CNTN4: variants seen among roughly 807,000 people sequenced by gnomAD.
The protein encoded by CNTN4 is contactin-4.
Under a neutral mutation model 122.5 loss-of-function variants are expected in CNTN4, and 77 were observed. That is an observed-to-expected ratio of 0.63 (90% confidence interval 0.52 to 0.76). The LOEUF is 0.76. CNTN4 is among the 30% of genes least tolerant of loss of function. CNTN4 has a pLI of 0.00. For synonymous variants in CNTN4, 512 were observed against 447.0 expected (o/e 1.15, Z -1.83); for missense variants, 1,256 against 1,259.1 (o/e 1.00, Z 0.04).
At chr3:2,560,670 A>G (rs1361733918) in intron 3 of CNTN4, among the ~76,000 whole-genome samples, 3 of 152,228 alleles carry the variant, frequency 2.0e-5, no homozygotes, top group South Asian at 2.1e-4. Context: ...ACTTAAGTCT[A>G]TCTACAAAGA....
intron 4 of CNTN4, among the ~76,000 whole-genome samples, chr3:2,627,717 T>A (rs536997099): frequency 2.6e-5 from 4 of 152,084 alleles, no homozygotes; most frequent in South Asian, 2.1e-4. Context: ...ATGGTCTCGA[T>A]CTCCTGACCT....
At chr3:3,040,425 C>T in intron 20 of CNTN4, 154 bp downstream of exon 20, 1 of 684,820 alleles carries the variant, frequency 1.5e-6, no homozygotes, top group Non-Finnish European at 2.6e-6. Context: ...GGTTCGCTGT[C>T]CACCATGAAT....
chr3:2,445,498 C>G (rs1039687032), intron 3 of CNTN4, among the ~76,000 whole-genome samples: 1 of 152,156 alleles, frequency 6.6e-6, no homozygotes, highest in Admixed American at 6.5e-5. Flanking sequence ...GATCTATAGA[C>G]TATCTTGCCG....
At chr3:2,295,959 A>C (rs79771890) in intron 2 of CNTN4, among the ~76,000 whole-genome samples, 3 of 151,948 alleles carry the variant, frequency 2.0e-5, no homozygotes, top group Non-Finnish European at 2.9e-5. Flanking sequence ...TCTTGTTTTT[A>C]TCAGGTTTGT....
At chr3:2,663,910 G>C (rs565195598) in intron 4 of CNTN4, among the ~76,000 whole-genome samples, 1 of 152,048 alleles carries the variant, frequency 6.6e-6, no homozygotes, top group Admixed American at 6.5e-5. Context: ...ACCACATATT[G>C]TCTGATTCTA....
At chr3:2,683,101 T>G (rs1388558965) in intron 4 of CNTN4, among the ~76,000 whole-genome samples, 7 of 152,140 alleles carry the variant, frequency 4.6e-5, no homozygotes, top group African/African-American at 9.7e-5. Flanking sequence ...CCATTATTTT[T>G]ATAGCATGCC....
chr3:2,259,758 G>A (rs994602422), intron 2 of CNTN4, among the ~76,000 whole-genome samples: 1 of 152,140 alleles, frequency 6.6e-6, no homozygotes, highest in Non-Finnish European at 1.5e-5. Flanking sequence ...GGAATTATGG[G>A]AGCTACAATT....
chr3:2,778,413 T>G (rs538052660), intron 6 of CNTN4, among the ~76,000 whole-genome samples: 6 of 146,722 alleles, frequency 4.1e-5, no homozygotes, highest in African/African-American at 1.5e-4. Flanking sequence ...GAGCCACTCA[T>G]GATTTTTTAA....
At chr3:2,473,241 A>AAC (rs1553659872) in intron 3 of CNTN4, among the ~76,000 whole-genome samples, 2 of 103,324 alleles carry the variant, frequency 1.9e-5, no homozygotes, top group Non-Finnish European at 3.9e-5. Context: ...CAAAAAAAAA[A>AAC]AAAAAAAAAA....
intron 2 of CNTN4, among the ~76,000 whole-genome samples, chr3:2,203,203 GTATT>G (rs1485708502): frequency 1.3e-5 from 2 of 152,026 alleles, no homozygotes; most frequent in African/African-American, 2.4e-5. Flanking sequence ...CTTTTACACA[GTATT>G]TAACATTTTC....
chr3:2,503,528 G>T (rs1028504167), intron 3 of CNTN4, among the ~76,000 whole-genome samples: 1 of 152,092 alleles, frequency 6.6e-6, no homozygotes, highest in African/African-American at 2.4e-5. Flanking sequence ...TGCAAGATAA[G>T]TACTATCATT....
chr3:2,352,452 G>A (rs1013730571), intron 3 of CNTN4, among the ~76,000 whole-genome samples: 13 of 152,162 alleles, frequency 8.5e-5, no homozygotes, highest in African/African-American at 3.1e-4. Context: ...TGGAGTTCCG[G>A]GTAGGTGCAG....
rs78747718 is a variant in CNTN4 at position 2,413,311 on chromosome 3, C to T, written c.-89+74078C>T. On this transcript the variant is annotated intron_variant, in intron 3 of 24. Coordinates refer to ENST00000418658, the MANE Select transcript of CNTN4 (RefSeq NM_175607.3). ...ACAATGTTCTTGATCAAATCATTCT[C>T]AATCACTTATTTTCAGAATCCAGAT... 9.2e-3 allele frequency among the ~76,000 whole-genome samples: 1,398 copies of T among 152,270 alleles called. 24 individuals are homozygous for T. Among genetic ancestry groups the T allele is most frequent in the African/African-American group, 0.032 (1,332 of 41,546 alleles).
chr3:2,325,451 A>T (rs12493912), intron 2 of CNTN4, among the ~76,000 whole-genome samples: 16,610 of 152,218 alleles, frequency 0.11, 1,001 homozygotes, highest in Middle Eastern at 0.14. Context: ...ACTCTTTAGC[A>T]TTCTCCCTAA....
At chr3:2,342,555 C>T (rs916532592) in intron 3 of CNTN4, among the ~76,000 whole-genome samples, 4 of 152,098 alleles carry the variant, frequency 2.6e-5, no homozygotes, top group East Asian at 1.9e-4. Context: ...GGGAGGGAGC[C>T]GGTGGGAGGT....
intron 2 of CNTN4, among the ~76,000 whole-genome samples, chr3:2,332,053 C>G (rs895114485): frequency 1.3e-5 from 2 of 152,122 alleles, no homozygotes; most frequent in Non-Finnish European, 2.9e-5. Context: ...GTCTCTTGAA[C>G]CTGGTGCCAT....
intron 13 of CNTN4, among the ~76,000 whole-genome samples, chr3:2,973,226 A>G (rs1019597793): frequency 1.1e-4 from 16 of 152,088 alleles, no homozygotes; most frequent in Admixed American, 5.2e-4. Context: ...TGAGTCGATC[A>G]TGGAAGTTTC....
intron 15 of CNTN4, among the ~76,000 whole-genome samples, chr3:3,027,388 G>A (rs557435835): frequency 6.6e-6 from 1 of 152,274 alleles, no homozygotes; most frequent in Admixed American, 6.5e-5. Flanking sequence ...ACTGAGAAAG[G>A]CTGGATGAAA....
chr3:3,034,523 G>T, intron 16 of CNTN4, 109 bp from the exon 17 acceptor site: 1 of 1,173,502 alleles, frequency 8.5e-7, no homozygotes, highest in Non-Finnish European at 1.3e-6. Flanking sequence ...TGATGAATCT[G>T]TGAATGGGTA....
Sources: allele counts gnomAD v4.1 joint callset (sites outside exome capture counted in the v4.1 genomes callset), GRCh38; gene constraint gnomAD v4.1.1; transcripts MANE v1.5; gene names NCBI Gene and HGNC (gene_info 2026-07-23, HGNC 2026-07-21).